Variants in OPALIN observed in about 807,000 individuals in gnomAD.
OPALIN encodes transmembrane protein 10.
In OPALIN, 15 loss-of-function variants were observed where a neutral mutation model predicts 17.8. That is an observed-to-expected ratio of 0.84 (90% CI 0.56 to 1.29). The LOEUF is 1.29. OPALIN is among the 50% of genes most tolerant of loss of function. The probability of loss-of-function intolerance (pLI) is 0.00; values close to 1 mark genes in which losing one functional copy is unlikely to be tolerated. For synonymous variants in OPALIN, 62 were observed against 63.8 expected (o/e 0.97, Z 0.14); for missense variants, 170 against 176.0 (o/e 0.97, Z 0.19).
intron 2 of OPALIN, chr10:96,353,485 G>A (rs747224246): frequency 1.3e-6 from 2 of 1,534,848 alleles, no homozygotes; most frequent in African/African-American, 2.7e-5. Context: ...GACTTTCAGT[G>A]CTAAAAACAG....
rs1250312452 is a variant in OPALIN, at chr10:96,345,959, G to A, written c.408C>T (p.Pro136=). 3 of 1,613,920 alleles carry A rather than the reference G, an allele frequency of 1.9e-6. No individual in the cohort carries two copies. The highest frequency in any genetic ancestry group is 2.7e-5 in the African/African-American group (2 of 74,902). The change falls in exon 6 of 6, where the codon CCC becomes CCT. Residue 136 remains proline (P), a synonymous_variant. Coordinates refer to ENST00000371172, the MANE Select transcript of OPALIN (RefSeq NM_033207.5). Reference sequence around the variant, plus strand: ...AGCTGCATCATTCCAGGCTCAGTCTGGGCACAAGCCACCACAATCCCCTCC... The same window carrying A: ...AGCTGCATCATTCCAGGCTCAGTCTAGGCACAAGCCACCACAATCCCCTCC... ...ERRRGLWWLV[P]RLSLE is the part of the protein sequence containing the mutation.
intron 5 of OPALIN, among the ~76,000 whole-genome samples, 187 bp from the exon 6 acceptor site, chr10:96,346,304 CAAAT>C (rs1845319655): frequency 6.6e-6 from 1 of 152,184 alleles, no homozygotes; most frequent in African/African-American, 2.4e-5. Context: ...AGACAGAAAA[CAAAT>C]GAGGAGAGAC....
At position 96,345,854 on chromosome 10, in the gene OPALIN, G is replaced by T; in HGVS notation, c.*87C>A. 7.6e-7 allele frequency: 1 copy of T among 1,307,890 alleles called. No individual in the cohort carries two copies. Among genetic ancestry groups the T allele is most frequent in the Non-Finnish European group, 1.1e-6 (1 of 935,834 alleles). The allele number at this position is 1,307,890 out of a possible 1,614,324, so 81.0% of individuals were successfully genotyped here. A position where few individuals can be genotyped will look rare whatever the true frequency, so the allele number is the denominator to read the frequency against. ...TGAAATTTGGATTGATTAAGAAGCAGCTTGGCATCTTTCCTCTCCAAGTAC... is the reference window on the plus strand; with the variant it reads ...TGAAATTTGGATTGATTAAGAAGCATCTTGGCATCTTTCCTCTCCAAGTAC... On this transcript the variant is annotated 3_prime_UTR_variant, in exon 6 of 6. Coordinates refer to ENST00000371172, the MANE Select transcript of OPALIN (RefSeq NM_033207.5).
At chr10:96,354,654 T>TC (rs1564886059) in intron 2 of OPALIN, among the ~76,000 whole-genome samples, 14 of 152,028 alleles carry the variant, frequency 9.2e-5, no homozygotes, top group African/African-American at 3.1e-4. Context: ...ACAGGAAGGG[T>TC]TACACCAGTT....
chr10:96,353,531 A>G, intron 2 of OPALIN: 1 of 1,027,780 alleles, frequency 9.7e-7, no homozygotes, highest in South Asian at 1.3e-5. Context: ...TGGTTGCTCT[A>G]CACGGGATCA....
At position 96,343,887 on chromosome 10, in the gene OPALIN, G is replaced by A. The variant is rs1298193819; in HGVS notation, c.*2054C>T. 2 of 152,216 alleles carry A rather than the reference G, an allele frequency of 1.3e-5. No homozygotes were observed. Among genetic ancestry groups the A allele is most frequent in the Non-Finnish European group, 2.9e-5 (2 of 68,052 alleles). 9.4% of individuals were successfully genotyped at this position (152,216 alleles called of 1,614,324 possible). A position where few individuals can be genotyped will look rare whatever the true frequency, so the allele number is the denominator to read the frequency against. On this transcript the variant is annotated 3_prime_UTR_variant, in exon 6 of 6. Transcript: ENST00000371172. ...TTCTAGGATATCTGTGTGGCTCATG[G>A]AGCTGCTGGATGAACTTAAGATGCC... is the stretch of plus-strand genomic sequence containing the variant.
At chr10:96,355,138 A>T (rs777410892) in intron 2 of OPALIN, 117 bp downstream of exon 2, 108 of 288,136 alleles carry the variant, frequency 3.7e-4, no homozygotes, top group Non-Finnish European at 5.9e-4. Flanking sequence ...AAAAAAAAAG[A>T]AAGTCTGTGT....
At chr10:96,358,758 A>G in intron 1 of OPALIN, 136 bp downstream of exon 1, 3 of 934,356 alleles carry the variant, frequency 3.2e-6, no homozygotes. Flanking sequence ...AGTTTAAAAA[A>G]TTATTGGTAT....
Position 96,351,418 on chromosome 10 carries a change from GA to G in OPALIN, c.40-9del. 6.5e-7 allele frequency: 1 copy of G among 1,529,306 alleles called. No homozygotes were observed. The highest frequency in any genetic ancestry group is 8.8e-7 in the Non-Finnish European group (1 of 1,131,948). 94.7% of individuals were successfully genotyped at this position (1,529,306 alleles called of 1,614,324 possible). ...TGTGACAGGAGAGGACGTCTGTATG[GA>G]AAAAGAACATATATTGTAAAAGAAC... On this transcript the variant is annotated splice_polypyrimidine_tract_variant and intron_variant, in intron 2 of 5. Coordinates refer to ENST00000371172, the MANE Select transcript of OPALIN (RefSeq NM_033207.5).
At chr10:96,353,815 G>T (rs529700263) in intron 2 of OPALIN, among the ~76,000 whole-genome samples, 1 of 152,318 alleles carries the variant, frequency 6.6e-6, no homozygotes, top group East Asian at 1.9e-4. Flanking sequence ...AAGAATTAGG[G>T]AATTTGCCTG....
intron 1 of OPALIN, 24 bp from the exon 2 acceptor site, chr10:96,355,314 A>G (rs2134031866): frequency 6.2e-7 from 1 of 1,612,498 alleles, no homozygotes; most frequent in Non-Finnish European, 8.5e-7. Context: ...GTAAACATTA[A>G]AGCTCCCAGG....
At chr10:96,347,776 A>G (rs1287694522) in intron 5 of OPALIN, among the ~76,000 whole-genome samples, 1 of 152,208 alleles carries the variant, frequency 6.6e-6, no homozygotes, top group African/African-American at 2.4e-5. Context: ...CCGGACCTAT[A>G]CTTTCTAATT....
At chr10:96,351,985 A>G (rs1212814102) in intron 2 of OPALIN, among the ~76,000 whole-genome samples, 1 of 152,224 alleles carries the variant, frequency 6.6e-6, no homozygotes, top group African/African-American at 2.4e-5. Context: ...TTGATTAGGA[A>G]ATCTAAAGGA....
At chr10:96,351,889 T>C (rs913594718) in intron 2 of OPALIN, among the ~76,000 whole-genome samples, 3 of 152,332 alleles carry the variant, frequency 2.0e-5, no homozygotes, top group Middle Eastern at 3.4e-3. Context: ...AATGAATGCA[T>C]TACATGTTTC....
chr10:96,348,668 A>G (rs545623442), intron 4 of OPALIN, among the ~76,000 whole-genome samples: 3 of 152,330 alleles, frequency 2.0e-5, no homozygotes, highest in African/African-American at 7.2e-5. Context: ...TAATTAAAAA[A>G]TTGTTTTTGT....
chr10:96,348,188 T>A (rs1357682485), intron 5 of OPALIN, 101 bp downstream of exon 5: 2 of 516,046 alleles, frequency 3.9e-6, no homozygotes, highest in Non-Finnish European at 6.9e-6. Flanking sequence ...ATCTCTTTTC[T>A]ACATGTGCTC....
At chr10:96,353,957 C>T (rs140569686) in intron 2 of OPALIN, among the ~76,000 whole-genome samples, 247 of 152,236 alleles carry the variant, frequency 1.6e-3, no homozygotes, top group South Asian at 8.5e-3. Context: ...TGGTGGGCAC[C>T]ACAGGTCCAG....
intron 1 of OPALIN, among the ~76,000 whole-genome samples, chr10:96,358,558 C>A (rs763777513): frequency 1.6e-4 from 24 of 152,186 alleles, no homozygotes; most frequent in Non-Finnish European, 3.1e-4. Context: ...TGATGACCAT[C>A]CATGTTGCTG....
At position 96,355,310 on chromosome 10, in the gene OPALIN, A is replaced by G. The variant is rs777752809; in HGVS notation, c.4-20T>C. 10 of 1,613,026 alleles carry G rather than the reference A, an allele frequency of 6.2e-6. No homozygotes were observed. Among genetic ancestry groups the G allele is most frequent in the Non-Finnish European group, 8.5e-6 (10 of 1,179,374 alleles). On this transcript the variant is annotated intron_variant, in intron 1 of 5. Transcript: ENST00000371172. ...AAAACTCTGCAAGATAGAAGTAAAC[A>G]TTAAAGCTCCCAGGGATGGTCAGCA...
Sources: allele counts gnomAD v4.1 joint callset (sites outside exome capture counted in the v4.1 genomes callset), GRCh38; gene constraint gnomAD v4.1.1; transcripts MANE v1.5; gene names NCBI Gene and HGNC (gene_info 2026-07-23, HGNC 2026-07-21).